Variants in PSG7 observed in about 807,000 individuals in gnomAD.
The protein encoded by PSG7 is pregnancy-specific beta-1-glycoprotein 7.
A neutral mutation model predicts 45.6 loss-of-function variants in PSG7; 57 were observed. That is an observed-to-expected ratio of 1.25 (90% CI 1.01 to 1.56). The LOEUF (loss-of-function observed/expected upper bound fraction) is 1.56. Among genes scored for constraint, PSG7 ranks in the 40% most tolerant of loss-of-function variants. PSG7 has a pLI of 0.00. For missense variants in PSG7, 796 were observed against 508.4 expected (o/e 1.57, Z -5.44); for synonymous variants, 298 against 194.4 (o/e 1.53, Z -4.43).
In PSG7 at chr19:42,935,626, C is replaced by G; in HGVS notation, c.208G>C (p.Gly70Arg). 6.2e-7 allele frequency: 1 copy of G among 1,612,068 alleles called. No homozygotes were observed. The highest frequency in any genetic ancestry group is 8.5e-7 in the Non-Finnish European group (1 of 1,179,128). ...QNLTGYIWYK[G>R]QIRDLYHYVT... ...TAATGGTAGAGGTCCCTGATTTGTC[C>G]TTTGTACCAGATGTAGCCAGTAAGA... Residue 70 changes from glycine to arginine, a missense_variant, in exon 2 of 6, where the codon GGA (glycine) becomes CGA (arginine). Transcript: ENST00000406070.
intron 3 of PSG7, among the ~76,000 whole-genome samples, chr19:42,928,554 G>GAAATTATT (rs1286813577): frequency 6.6e-6 from 1 of 151,512 alleles, no homozygotes; most frequent in Non-Finnish European, 1.5e-5. Context: ...AATGTGAATT[G>GAAATTATT]AAATTATTTT....
intron 2 of PSG7, among the ~76,000 whole-genome samples, chr19:42,932,623 T>A (rs898456307): frequency 1.3e-5 from 2 of 151,516 alleles, no homozygotes; most frequent in African/African-American, 4.9e-5. Flanking sequence ...TGGCATCTAG[T>A]CTCAGGCTGG....
chr19:42,929,444 A>T lies in PSG7; in HGVS notation c.707T>A (p.Leu236His). Residue 236 changes from leucine to histidine, a missense_variant and splice_region_variant, in exon 3 of 6, where the codon CTC (leucine) becomes CAC (histidine). Coordinates refer to ENST00000406070, the MANE Select transcript of PSG7 (RefSeq NM_002783.3). Reference protein sequence around the residue: ...SRSDPVTLNLLPKLPKPYITI... With the variant: ...SRSDPVTLNLHPKLPKPYITI... ...ACAGAGGAACAGAAGATACTCACGG[A>T]GGAGATTCAGGGTGACTGGGTCACT... is the stretch of plus-strand genomic sequence containing the variant. 6.2e-7 allele frequency: 1 copy of T among 1,612,320 alleles called. No homozygotes were observed. Among genetic ancestry groups the T allele is most frequent in the South Asian group, 1.1e-5 (1 of 90,766 alleles).
intron 5 of PSG7, 85 bp from the exon 6 acceptor site, chr19:42,924,909 T>G (rs2122667809): frequency 1.3e-6 from 1 of 759,722 alleles, no homozygotes; most frequent in Middle Eastern, 2.3e-4. Flanking sequence ...TTCCACATAA[T>G]TTTTCTCTCT....
At position 42,926,045 on chromosome 19, in the gene PSG7, A is replaced by C. The variant is rs1235505857; in HGVS notation, c.989-18T>G. ...TGGACCATCTGGAGGAAAGAGAATAAAGCCACAGGTGATGTTATCCGAGGG... is the reference window on the plus strand; with the variant it reads ...TGGACCATCTGGAGGAAAGAGAATACAGCCACAGGTGATGTTATCCGAGGG... On this transcript the variant is annotated intron_variant, in intron 4 of 5. Coordinates refer to ENST00000406070, the MANE Select transcript of PSG7 (RefSeq NM_002783.3). 28 of 1,609,046 alleles carry C rather than the reference A, an allele frequency of 1.7e-5. No homozygotes were observed. The highest frequency in any genetic ancestry group is 2.4e-5 in the Non-Finnish European group (28 of 1,177,172).
In PSG7 at chr19:42,935,561, A is replaced by T. The variant is rs782050918; in HGVS notation, c.273T>A (p.Tyr91Ter). ...SYIVDGQIIK[Y>*]GPAYSGRETV... The stretch of plus-strand genomic sequence containing the variant: ...TTTCTCGTCCACTGTATGCAGGCCC[A>T]TATTTAATTATTTGACCGTCTACTA... Residue 91 changes from tyrosine (Y) to a stop codon, truncating the protein, a stop_gained, in exon 2 of 6, where the codon TAT (tyrosine) becomes TAA (stop). Transcript: ENST00000406070. LOFTEE classifies it high-confidence loss of function. 161 of 1,611,944 alleles carry T rather than the reference A, an allele frequency of 1.0e-4. 4 individuals carry two copies. The highest frequency in any genetic ancestry group is 1.2e-4 in the Non-Finnish European group (147 of 1,179,058).
At chr19:42,926,749 G>A in intron 3 of PSG7, 33 bp from the exon 4 acceptor site, 1 of 1,605,542 alleles carries the variant, frequency 6.2e-7, no homozygotes, top group South Asian at 1.1e-5. Context: ...ATTGTCCTGT[G>A]TGGCACCTTT....
At chr19:42,932,488 C>T (rs937318407) in intron 2 of PSG7, among the ~76,000 whole-genome samples, 8 of 151,414 alleles carry the variant, frequency 5.3e-5, no homozygotes, top group Non-Finnish European at 1.0e-4. Context: ...AATGGAGTCA[C>T]GAGTGAAATG....
At chr19:42,933,307 A>ATATATATATATATATATTTT (rs56691588) in intron 2 of PSG7, among the ~76,000 whole-genome samples, 2 of 13,508 alleles carry the variant, frequency 1.5e-4, no homozygotes, top group Non-Finnish European at 3.2e-4. Context: ...ATATATATAT[A>ATATATATATATATATATTTT]TTTTTTTTTT....
chr19:42,933,241 A>T (rs1413991661), intron 2 of PSG7, among the ~76,000 whole-genome samples: 1 of 116,300 alleles, frequency 8.6e-6, no homozygotes, highest in East Asian at 2.6e-4. Context: ...CATTAAAATC[A>T]TTCTTTACTA....
Position 42,935,777 on chromosome 19 carries a change from G to A in PSG7, c.65-8C>T, listed in dbSNP as rs539578534. ...AGAAGTTTAAAAGTGATGCTAGGAGGTGGAGAGAGCATCAGTCAATATTGA... is the reference window on the plus strand; with the variant it reads ...AGAAGTTTAAAAGTGATGCTAGGAGATGGAGAGAGCATCAGTCAATATTGA... On this transcript the variant is annotated splice_region_variant and splice_polypyrimidine_tract_variant and intron_variant, in intron 1 of 5. Transcript: ENST00000406070. 4 of 1,605,680 alleles carry A rather than the reference G, an allele frequency of 2.5e-6. No homozygotes were observed. Among genetic ancestry groups the A allele is most frequent in the Non-Finnish European group, 3.4e-6 (4 of 1,176,142 alleles).
rs181621391 is a variant in PSG7, at chr19:42,926,563, C to T, written c.863G>A (p.Arg288Gln). The change falls in exon 4 of 6, where the codon CGA becomes CAA. Residue 288 changes from arginine (R) to glutamine (Q), a missense_variant. Coordinates refer to ENST00000406070, the MANE Select transcript of PSG7 (RefSeq NM_002783.3). ...AATGAGGATCCTGTTTTCAATGCGT[C>T]GCTTTACCCTGGGACTGACCGGGAG... ...QSLPVSPRVK[R>Q]RIENRILILP... 52 of 1,610,400 alleles carry T rather than the reference C, an allele frequency of 3.2e-5. 3 individuals are homozygous for T. Among genetic ancestry groups the T allele is most frequent in the Admixed American group, 6.7e-5 (4 of 59,868 alleles).
intron 2 of PSG7, among the ~76,000 whole-genome samples, chr19:42,930,604 GTT>G (rs1972998846): frequency 6.6e-6 from 1 of 151,754 alleles, no homozygotes; most frequent in African/African-American, 2.4e-5. Context: ...GACCATATGT[GTT>G]TGGTGGATAT....
chr19:42,934,283 C>T, intron 2 of PSG7, among the ~76,000 whole-genome samples: 1 of 151,190 alleles, frequency 6.6e-6, no homozygotes, highest in Admixed American at 6.6e-5. Context: ...ATCAGGTGAC[C>T]ACTTGCTCTC....
At chr19:42,933,280 TATATATATATATATATATATATA>T (rs1406835604) in intron 2 of PSG7, among the ~76,000 whole-genome samples, 1 of 6,910 alleles carries the variant, frequency 1.4e-4, no homozygotes, top group East Asian at 5.2e-3. Flanking sequence ...TATATATATA[TATATATATATATATATATATATA>T]TATATTTTTT....
chr19:42,927,799 GTTTC>G (rs1229159552), intron 3 of PSG7, among the ~76,000 whole-genome samples: 1 of 151,578 alleles, frequency 6.6e-6, no homozygotes, highest in Non-Finnish European at 1.5e-5. Flanking sequence ...TGGGTGGGCA[GTTTC>G]TTTTATGCAA....
Position 42,924,418 on chromosome 19 carries a change from A to C in PSG7, c.*390T>G, listed in dbSNP as rs866982848. 43 of 468,544 alleles carry C rather than the reference A, an allele frequency of 9.2e-5. No homozygotes were observed. The Middle Eastern group carries it at 3.7e-3, about 41-fold the overall frequency. The allele number at this position is 468,544 out of a possible 1,614,324, so 29.0% of individuals were successfully genotyped here. A position where few individuals can be genotyped will look rare whatever the true frequency, so the allele number is the denominator to read the frequency against. Reference sequence around the variant, plus strand: ...CTGAGGTTGAGATGACATATCTGACACTCTGTTGTTACCCTCAGAAGCTCC... The same window carrying C: ...CTGAGGTTGAGATGACATATCTGACCCTCTGTTGTTACCCTCAGAAGCTCC... On this transcript the variant is annotated 3_prime_UTR_variant, in exon 6 of 6. Coordinates refer to ENST00000406070, the MANE Select transcript of PSG7 (RefSeq NM_002783.3).
chr19:42,936,216 C>T (rs1358972631), intron 1 of PSG7: 1 of 171,724 alleles, frequency 5.8e-6, no homozygotes, highest in East Asian at 1.6e-4. Flanking sequence ...CCTGATCTCA[C>T]ATTCTAGATC....
rs1489189114 is a variant in PSG7, at chr19:42,933,292, TATATATATATATATA to T, written c.430+2097_430+2111del. On this transcript the variant is annotated intron_variant, in intron 2 of 5. Coordinates refer to ENST00000406070, the MANE Select transcript of PSG7 (RefSeq NM_002783.3). ...ATATATATATATATATATATATATA[TATATATATATATATA>T]TTTTTTTTTTTTTTTGGTGTATGTA... Among the ~76,000 whole-genome samples, 47 of 13,400 alleles carry T rather than the reference TATATATATATATATA, an allele frequency of 3.5e-3. 3 individuals are homozygous for T. The highest frequency in any genetic ancestry group is 0.029 in the Middle Eastern group (1 of 34). 8.8% of individuals were successfully genotyped at this position (13,400 alleles called of 152,430 possible). A position where few individuals can be genotyped will look rare whatever the true frequency, so the allele number is the denominator to read the frequency against.
Sources: gnomAD v4.1 joint callset for allele counts (sites outside exome capture counted in the v4.1 genomes callset) on GRCh38, gnomAD v4.1.1 for gene constraint, MANE v1.5 for transcripts, NCBI Gene and HGNC (gene_info 2026-07-23, HGNC 2026-07-21) for gene names.